CSMD1: variants seen among roughly 807,000 people sequenced by gnomAD.
CSMD1 encodes CUB and Sushi multiple domains 1, also known as CUB and sushi domain-containing protein 1.
In CSMD1, 213 loss-of-function variants were observed where a neutral mutation model predicts 417.5. The ratio of observed to expected loss-of-function variants is 0.51; its 90% CI spans 0.46 to 0.57. CSMD1 has a LOEUF of 0.57. Among genes scored for constraint, CSMD1 ranks in the 20% least tolerant of loss-of-function variants. CSMD1 has a pLI of 0.00. For missense variants in CSMD1, 6,923 were observed against 4,529.7 expected, an observed-to-expected ratio of 1.53 and a Z score of -15.17; for synonymous variants, 2,862 against 1,736.8, an observed-to-expected ratio of 1.65 and a Z score of -16.11.
intron 3 of CSMD1, among the ~76,000 whole-genome samples, chr8:4,243,051 G>C (rs939428561): frequency 1.3e-5 from 2 of 152,210 alleles, no homozygotes; most frequent in East Asian, 3.9e-4. Flanking sequence ...CTGAGTACAC[G>C]GGTCAGGGGT....
At chr8:3,216,216 C>G (rs1275419447) in intron 29 of CSMD1, among the ~76,000 whole-genome samples, 1 of 151,840 alleles carries the variant, frequency 6.6e-6, no homozygotes, top group Non-Finnish European at 1.5e-5. Flanking sequence ...GTTGATAATT[C>G]TTTGTAACTG....
chr8:3,595,842 T>C (rs144500471), intron 8 of CSMD1, among the ~76,000 whole-genome samples: 1 of 152,204 alleles, frequency 6.6e-6, no homozygotes, highest in African/African-American at 2.4e-5. Flanking sequence ...AGGCAAAAGC[T>C]GTTTGCACAC....
At chr8:2,963,768 G>C (rs530812164) in intron 59 of CSMD1, among the ~76,000 whole-genome samples, 1 of 152,204 alleles carries the variant, frequency 6.6e-6, no homozygotes, top group South Asian at 2.1e-4. Context: ...AAATTTATAG[G>C]CACAGATGGT....
intron 49 of CSMD1, 130 bp downstream of exon 49, chr8:3,086,967 C>A: frequency 1.2e-6 from 1 of 834,484 alleles, no homozygotes; most frequent in Non-Finnish European, 1.9e-6. Context: ...TTAATTCGTA[C>A]TGTTATAAGC....
intron 3 of CSMD1, among the ~76,000 whole-genome samples, chr8:4,302,822 G>T (rs62478625): frequency 0.063 from 9,645 of 152,174 alleles, 399 homozygotes; most frequent in Non-Finnish European, 0.092. Flanking sequence ...AAGTCACAGG[G>T]TCCTAGTGAC....
intron 5 of CSMD1, among the ~76,000 whole-genome samples, chr8:3,874,676 T>C (rs991458654): frequency 3.3e-5 from 5 of 152,278 alleles, no homozygotes; most frequent in Middle Eastern, 6.8e-3. Context: ...CTGTGGATGA[T>C]GAAAACTCTG....
chr8:3,571,218 C>G (rs562968544), intron 10 of CSMD1, among the ~76,000 whole-genome samples: 18 of 152,320 alleles, frequency 1.2e-4, no homozygotes, highest in African/African-American at 4.1e-4. Context: ...TTTCTGCATG[C>G]TGTCATCCTA....
chr8:4,263,839 C>A (rs1319520575), intron 3 of CSMD1, among the ~76,000 whole-genome samples: 1 of 152,126 alleles, frequency 6.6e-6, no homozygotes, highest in Non-Finnish European at 1.5e-5. Flanking sequence ...TTTTTGATAG[C>A]ACTCAAAAAC....
At chr8:4,662,814 G>A (rs554046084) in intron 1 of CSMD1, among the ~76,000 whole-genome samples, 3 of 152,270 alleles carry the variant, frequency 2.0e-5, no homozygotes, top group East Asian at 3.9e-4. Flanking sequence ...ACAAACGAGT[G>A]CCCACATCAT....
At chr8:3,744,574 C>G (rs950747165) in intron 6 of CSMD1, among the ~76,000 whole-genome samples, 1 of 152,162 alleles carries the variant, frequency 6.6e-6, no homozygotes, top group African/African-American at 2.4e-5. Context: ...ACTAGTTTGT[C>G]AATGTAAATG....
chr8:3,871,701 T>C (rs1011532338), intron 5 of CSMD1, among the ~76,000 whole-genome samples: 5 of 152,190 alleles, frequency 3.3e-5, no homozygotes, highest in Non-Finnish European at 5.9e-5. Flanking sequence ...CCCAGGTAAA[T>C]GTGTCTCAAA....
chr8:3,563,512 G>C (rs994525820), intron 10 of CSMD1, among the ~76,000 whole-genome samples: 2 of 144,762 alleles, frequency 1.4e-5, no homozygotes, highest in Non-Finnish European at 1.5e-5. Context: ...AAAGAAAATA[G>C]GTATTTACAC....
At chr8:3,831,560 G>A (rs756893956) in intron 5 of CSMD1, among the ~76,000 whole-genome samples, 1 of 152,140 alleles carries the variant, frequency 6.6e-6, no homozygotes, top group Non-Finnish European at 1.5e-5. Flanking sequence ...ATATGCCTCT[G>A]TGCTCACTAC....
intron 5 of CSMD1, among the ~76,000 whole-genome samples, chr8:3,767,280 C>T (rs1798324959): frequency 6.6e-6 from 1 of 152,228 alleles, no homozygotes; most frequent in African/African-American, 2.4e-5. Flanking sequence ...TTCTCCCCGA[C>T]CTGCACACTC....
At chr8:3,903,999 A>G (rs1200900690) in intron 5 of CSMD1, among the ~76,000 whole-genome samples, 1 of 151,428 alleles carries the variant, frequency 6.6e-6, no homozygotes, top group African/African-American at 2.4e-5. Flanking sequence ...TTAATGTCCT[A>G]CCGTCCTATC....
At chr8:4,165,390 C>T (rs192423877) in intron 3 of CSMD1, among the ~76,000 whole-genome samples, 131 of 152,336 alleles carry the variant, frequency 8.6e-4, no homozygotes, top group Admixed American at 1.4e-3. Flanking sequence ...AAAAGATGTG[C>T]CATTTGTAGA....
chr8:4,764,267 T>C (rs1350419966), intron 1 of CSMD1, among the ~76,000 whole-genome samples: 1 of 152,202 alleles, frequency 6.6e-6, no homozygotes, highest in African/African-American at 2.4e-5. Flanking sequence ...ATATTCTCTA[T>C]AATATTGGGG....
chr8:4,037,509 A>C (rs1797681527), intron 3 of CSMD1, among the ~76,000 whole-genome samples: 1 of 152,194 alleles, frequency 6.6e-6, no homozygotes, highest in South Asian at 2.1e-4. Context: ...TAACATCTTG[A>C]CACTTAATTT....
At chr8:4,467,704 T>C (rs1800267069) in intron 2 of CSMD1, among the ~76,000 whole-genome samples, 1 of 152,180 alleles carries the variant, frequency 6.6e-6, no homozygotes, top group African/African-American at 2.4e-5. Flanking sequence ...CAAGCTATTA[T>C]CTTTTTAAAA....
Sources: allele counts gnomAD v4.1 joint callset (sites outside exome capture counted in the v4.1 genomes callset), GRCh38; gene constraint gnomAD v4.1.1; transcripts MANE v1.5; gene names NCBI Gene and HGNC (gene_info 2026-07-23, HGNC 2026-07-21).